UBE2E2: variants seen among roughly 807,000 people sequenced by gnomAD.
UBE2E2 encodes ubiquitin-conjugating enzyme E2 E2.
UBE2E2 carries 6 observed loss-of-function variants against 24.7 expected under a neutral mutation model. That is an observed-to-expected ratio of 0.24 (90% CI 0.13 to 0.48). UBE2E2 has a LOEUF of 0.48. UBE2E2 is among the 20% of genes least tolerant of loss of function. The pLI is 0.99. For missense variants in UBE2E2, 169 were observed against 245.0 expected, an observed-to-expected ratio of 0.69 and a Z score of 2.07; for synonymous variants, 104 against 83.6, an observed-to-expected ratio of 1.24 and a Z score of -1.33.
chr3:23,330,796 A>C (rs1695037433), intron 3 of UBE2E2, among the ~76,000 whole-genome samples: 1 of 152,228 alleles, frequency 6.6e-6, no homozygotes, highest in South Asian at 2.1e-4. Context: ...CTCAGAAAAC[A>C]CATTTGAGGT....
chr3:23,578,873 C>T (rs530813975), intron 5 of UBE2E2, among the ~76,000 whole-genome samples: 4 of 152,164 alleles, frequency 2.6e-5, no homozygotes, highest in East Asian at 1.9e-4. Context: ...CACCATGGCA[C>T]GTGTTTATCT....
At chr3:23,564,803 A>G (rs1696027297) in intron 5 of UBE2E2, among the ~76,000 whole-genome samples, 2 of 152,162 alleles carry the variant, frequency 1.3e-5, no homozygotes, top group African/African-American at 4.8e-5. Flanking sequence ...TGTATCTTGG[A>G]GAAAGAATTA....
At chr3:23,230,989 A>C (rs1296494814) in intron 3 of UBE2E2, among the ~76,000 whole-genome samples, 1 of 152,152 alleles carries the variant, frequency 6.6e-6, no homozygotes, top group African/African-American at 2.4e-5. Flanking sequence ...CTTCATCTTC[A>C]GCCAGGGCTT....
Position 23,390,414 on chromosome 3 carries a change from A to G in UBE2E2, c.228-109194A>G, listed in dbSNP as rs181425347. On this transcript the variant is annotated intron_variant, in intron 3 of 5. Coordinates refer to ENST00000396703, the MANE Select transcript of UBE2E2 (RefSeq NM_152653.4). ...AGTTGAGACAACATGGCTTCAGGGA[A>G]GGATCACCTTCTTCCTGCACCATCC... Among the ~76,000 whole-genome samples, 12 of 152,290 alleles carry G rather than the reference A, an allele frequency of 7.9e-5. No individual in the cohort carries two copies. In the East Asian group the frequency reaches 1.7e-3, roughly 22 times the overall value.
chr3:23,560,113 A>G (rs917403417), intron 5 of UBE2E2, among the ~76,000 whole-genome samples: 1 of 152,034 alleles, frequency 6.6e-6, no homozygotes, highest in Non-Finnish European at 1.5e-5. Context: ...CACAACGTGC[A>G]GGTTTGTTAC....
intron 3 of UBE2E2, among the ~76,000 whole-genome samples, chr3:23,432,857 CAT>C (rs1212358729): frequency 4.6e-5 from 7 of 151,628 alleles, no homozygotes; most frequent in Non-Finnish European, 1.0e-4. Flanking sequence ...AAACTATTAA[CAT>C]ATTAACAGAT....
In UBE2E2 at chr3:23,591,492, AT is replaced by A. The variant is rs1471757174; in HGVS notation, c.*1665del. The A allele has an allele frequency of 6.6e-6, 1 of 152,176 alleles. No individual in the cohort carries two copies. The highest frequency in any genetic ancestry group is 1.5e-5 in the Non-Finnish European group (1 of 68,030). 9.4% of individuals were successfully genotyped at this position (152,176 alleles called of 1,614,324 possible). On this transcript the variant is annotated 3_prime_UTR_variant, in exon 6 of 6. Transcript: ENST00000396703. ...AATATTTTTTGTCTTTTTAATAACG[AT>A]TTTACCATTCATTTTATTTAAAAAC...
intron 3 of UBE2E2, among the ~76,000 whole-genome samples, chr3:23,351,414 A>T (rs1204221758): frequency 6.6e-6 from 1 of 152,262 alleles, no homozygotes; most frequent in South Asian, 2.1e-4. Flanking sequence ...AATGGACTGA[A>T]TGCTCCAATT....
intron 3 of UBE2E2, among the ~76,000 whole-genome samples, chr3:23,492,770 A>G (rs1237245698): frequency 6.6e-6 from 1 of 152,150 alleles, no homozygotes; most frequent in African/African-American, 2.4e-5. Context: ...TTGTAATAAT[A>G]CCATTAAACC....
chr3:23,249,942 C>T lies in UBE2E2; in HGVS notation c.227+32630C>T, dbSNP rs74833786. Among the ~76,000 whole-genome samples, 175 of 152,326 alleles carry T rather than the reference C, an allele frequency of 1.1e-3. 1 individual carries two copies. The East Asian group carries it at 0.027, about 24-fold the overall frequency. On this transcript the variant is annotated intron_variant, in intron 3 of 5. Transcript: ENST00000396703. ...AAGTGCTGGGACTACAGGCGTGAGC[C>T]ACCGCATCCGGCCTAACAGAATTTT...
intron 3 of UBE2E2, among the ~76,000 whole-genome samples, chr3:23,329,155 GA>G (rs779137894): frequency 5.3e-5 from 8 of 152,126 alleles, no homozygotes; most frequent in Non-Finnish European, 1.2e-4. Flanking sequence ...TCTCAGACAT[GA>G]ATTTTTTATT....
At chr3:23,477,069 A>G (rs932922906) in intron 3 of UBE2E2, among the ~76,000 whole-genome samples, 1 of 151,564 alleles carries the variant, frequency 6.6e-6, no homozygotes, top group African/African-American at 2.4e-5. Flanking sequence ...AATACTTAGC[A>G]TGCTGTGGTC....
chr3:23,226,425 T>C (rs1559446892), intron 3 of UBE2E2, among the ~76,000 whole-genome samples: 1 of 152,080 alleles, frequency 6.6e-6, no homozygotes, highest in South Asian at 2.1e-4. Context: ...CTGTATGTGA[T>C]GTCATTTAGT....
intron 3 of UBE2E2, among the ~76,000 whole-genome samples, chr3:23,432,019 G>A (rs974947948): frequency 3.3e-5 from 5 of 152,110 alleles, no homozygotes; most frequent in African/African-American, 9.7e-5. Flanking sequence ...GTAGGCAAAC[G>A]CTACTAGTCA....
rs57327621 is a variant in UBE2E2, at chr3:23,446,699, G to GTTTTT, written c.228-52892_228-52888dup. 1.4e-3 allele frequency among the ~76,000 whole-genome samples: 154 copies of GTTTTT among 112,206 alleles called. 6 individuals carry two copies. The East Asian group carries it at 0.018, about 13-fold the overall frequency. 73.6% of individuals were successfully genotyped at this position (112,206 alleles called of 152,430 possible). A position where few individuals can be genotyped will look rare whatever the true frequency, so the allele number is the denominator to read the frequency against. On this transcript the variant is annotated intron_variant, in intron 3 of 5. Transcript: ENST00000396703. ...CAGTTATTCATTATCCGTCTGTTTG[G>GTTTTT]TTTTTTTTTTTTTTTTTTTTTATCC...
chr3:23,231,656 G>T (rs745811391), intron 3 of UBE2E2, among the ~76,000 whole-genome samples: 1 of 152,144 alleles, frequency 6.6e-6, no homozygotes, highest in African/African-American at 2.4e-5. Context: ...AGTCCCAAAA[G>T]ATTGTATCCT....
intron 3 of UBE2E2, among the ~76,000 whole-genome samples, chr3:23,370,462 A>G (rs1696373735): frequency 6.6e-6 from 1 of 152,232 alleles, no homozygotes; most frequent in South Asian, 2.1e-4. Context: ...CCATTATAGA[A>G]GTGGGAATTT....
intron 3 of UBE2E2, among the ~76,000 whole-genome samples, chr3:23,244,279 T>C (rs1429492785): frequency 6.6e-6 from 1 of 152,200 alleles, no homozygotes; most frequent in African/African-American, 2.4e-5. Flanking sequence ...CTTTTATAAT[T>C]ATGTTGTCAC....
At chr3:23,554,790 C>T (rs1695735396) in intron 5 of UBE2E2, among the ~76,000 whole-genome samples, 1 of 151,944 alleles carries the variant, frequency 6.6e-6, no homozygotes, top group Non-Finnish European at 1.5e-5. Context: ...AGGACAACTA[C>T]AGACTGGGAA....
Sources: allele counts gnomAD v4.1 joint callset (sites outside exome capture counted in the v4.1 genomes callset), GRCh38; gene constraint gnomAD v4.1.1; transcripts MANE v1.5; gene names NCBI Gene and HGNC (gene_info 2026-07-23, HGNC 2026-07-21).